C7: variants seen among roughly 807,000 people sequenced by gnomAD.
C7 encodes complement component C7.
Under a neutral mutation model 104.8 loss-of-function variants are expected in C7, and 83 were observed. The observed-to-expected ratio is 0.79, with a 90% CI of 0.66 to 0.95. The LOEUF (loss-of-function observed/expected upper bound fraction) is 0.95, where lower values mean the gene tolerates loss of function less well. C7 is among the 40% of genes least tolerant of loss of function. The pLI, the probability that C7 is intolerant of heterozygous loss-of-function variation, is 0.00. For missense variants in C7, 1,070 were observed against 1,011.2 expected (o/e 1.06, Z -0.79); for synonymous variants, 415 against 360.6 (o/e 1.15, Z -1.71).
At chr5:40,961,411 G>T (rs1349380181) in intron 12 of C7, among the ~76,000 whole-genome samples, 16 of 151,376 alleles carry the variant, frequency 1.1e-4, no homozygotes, top group Admixed American at 3.3e-4. Context: ...TTGAGATGGG[G>T]TCTCACTCTG....
At chr5:40,912,694 A>C (rs943749035) in intron 1 of C7, among the ~76,000 whole-genome samples, 5 of 152,236 alleles carry the variant, frequency 3.3e-5, no homozygotes, top group African/African-American at 1.2e-4. Context: ...AGAATGTTAG[A>C]AATAATTATT....
intron 2 of C7, among the ~76,000 whole-genome samples, chr5:40,929,537 G>C (rs1187759116): frequency 1.3e-5 from 2 of 152,132 alleles, no homozygotes; most frequent in Non-Finnish European, 2.9e-5. Context: ...AGAGTAACCT[G>C]ACCCTCTTAA....
intron 14 of C7, among the ~76,000 whole-genome samples, chr5:40,968,952 T>G (rs1466840980): frequency 6.6e-6 from 1 of 152,014 alleles, no homozygotes. Context: ...ACTTTTTTAC[T>G]GCATAGTGAA....
At chr5:40,933,595 T>A (rs1294710602) in intron 3 of C7, among the ~76,000 whole-genome samples, 1 of 152,214 alleles carries the variant, frequency 6.6e-6, no homozygotes, top group African/African-American at 2.4e-5. Flanking sequence ...TATTCCTTTG[T>A]AGATGTAGCT....
In C7 at chr5:40,909,584, T is replaced by C. The variant is rs751904932; in HGVS notation, c.-27T>C. The C allele has an allele frequency of 1.3e-6, 2 of 1,559,826 alleles. No individual in the cohort carries two copies. Among genetic ancestry groups the C allele is most frequent in the African/African-American group, 1.4e-5 (1 of 73,988 alleles). Reference sequence around the variant, plus strand: ...CCTTACAGAGGAAATCTTCCTCCTCTCTTCTGCCCTGAATGTTTTCCCAAA... The same window carrying C: ...CCTTACAGAGGAAATCTTCCTCCTCCCTTCTGCCCTGAATGTTTTCCCAAA... On this transcript the variant is annotated 5_prime_UTR_variant, in exon 1 of 18. Coordinates refer to ENST00000313164, the MANE Select transcript of C7 (RefSeq NM_000587.4).
At chr5:40,945,875 CATATATATATATATATATATATAT>C (rs58480949) in intron 7 of C7, among the ~76,000 whole-genome samples, 1 of 127,326 alleles carries the variant, frequency 7.9e-6, no homozygotes, top group Admixed American at 8.6e-5. Flanking sequence ...AAAAAAAATA[CATATATATATATATATATATATAT>C]ATATATATAT....
At chr5:40,922,476 C>A (rs1157795107) in intron 1 of C7, among the ~76,000 whole-genome samples, 1 of 145,740 alleles carries the variant, frequency 6.9e-6, no homozygotes, top group African/African-American at 2.6e-5. Context: ...CTGAGGTGGG[C>A]GGATCATGAA....
In C7 at chr5:40,979,896, G is replaced by A. The variant is rs761294249; in HGVS notation, c.2337G>A (p.Trp779Ter). The A allele has an allele frequency of 6.3e-7, 1 of 1,587,362 alleles. No individual in the cohort carries two copies. The change falls in exon 17 of 18, where the codon TGG becomes TGA. Residue 779 changes from tryptophan to a stop codon, truncating the protein, a stop_gained. Coordinates refer to ENST00000313164, the MANE Select transcript of C7 (RefSeq NM_000587.4). LOFTEE classifies it low-confidence loss of function (END_TRUNC). ...AEKACGACPL[W>*]GKCDAESSKC... ...AAGCTTGTGGTGCCTGCCCACTGTG[G>A]GGAAAATGTGATGGTAAGGGGCCTT...
At chr5:40,929,491 C>T (rs770821228) in intron 2 of C7, among the ~76,000 whole-genome samples, 1 of 152,064 alleles carries the variant, frequency 6.6e-6, no homozygotes, top group Non-Finnish European at 1.5e-5. Flanking sequence ...TAAAAGCAGC[C>T]AAGGCACACA....
intron 8 of C7, 115 bp downstream of exon 8, chr5:40,947,960 T>G: frequency 5.6e-6 from 6 of 1,074,484 alleles, no homozygotes; most frequent in Non-Finnish European, 8.3e-6. Flanking sequence ...AAATTTAAAT[T>G]GCAAAGGAAT....
intron 9 of C7, among the ~76,000 whole-genome samples, chr5:40,951,862 T>C (rs970123782): frequency 6.6e-6 from 1 of 152,350 alleles, no homozygotes; most frequent in East Asian, 1.9e-4. Flanking sequence ...ACCAGGTTTA[T>C]GTACTCATTC....
rs746945252 is a variant in C7, at chr5:40,937,666, A to G, written c.543A>G (p.Gly181=). 6.3e-7 allele frequency: 1 copy of G among 1,598,064 alleles called. No individual in the cohort carries two copies. The highest frequency in any genetic ancestry group is 1.1e-5 in the South Asian group (1 of 88,956). ...GDGKDFYRLS[G]NVLSYTFQVK... is the part of the protein sequence containing the mutation. ...GAAAAGATTTCTACAGGCTGAGTGG[A>G]AATGTCCTGTCCTATACATTCCAGG... Residue 181 remains glycine, a synonymous_variant, in exon 6 of 18, where the codon GGA becomes GGG. Coordinates refer to ENST00000313164, the MANE Select transcript of C7 (RefSeq NM_000587.4).
intron 7 of C7, among the ~76,000 whole-genome samples, chr5:40,946,618 A>G (rs536074901): frequency 6.6e-6 from 1 of 152,312 alleles, no homozygotes; most frequent in African/African-American, 2.4e-5. Context: ...ATACCCTAGC[A>G]TGGGAGATAA....
chr5:40,980,001 G>T, intron 17 of C7, 92 bp downstream of exon 17: 1 of 1,084,392 alleles, frequency 9.2e-7, no homozygotes, highest in Non-Finnish European at 1.3e-6. Flanking sequence ...GCAGTGGGCC[G>T]AAGAAGATAC....
intron 1 of C7, among the ~76,000 whole-genome samples, chr5:40,927,389 C>T (rs985139578): frequency 2.0e-5 from 3 of 152,006 alleles, no homozygotes; most frequent in African/African-American, 7.2e-5. Context: ...CAAACATAGA[C>T]AAATGGGATT....
chr5:40,945,044 C>G (rs972511416), intron 6 of C7, among the ~76,000 whole-genome samples, 154 bp from the exon 7 acceptor site: 1 of 152,134 alleles, frequency 6.6e-6, no homozygotes, highest in African/African-American at 2.4e-5. Context: ...GAACTCTTTC[C>G]TTATAATCAT....
intron 9 of C7, among the ~76,000 whole-genome samples, chr5:40,952,714 A>C (rs1198129087): frequency 3.3e-5 from 5 of 150,752 alleles, no homozygotes; most frequent in Admixed American, 1.3e-4. Context: ...CTCATTGTTC[A>C]GTTCCCACCT....
In C7 at chr5:40,949,282, T is replaced by G. The variant is rs972372508; in HGVS notation, c.983-622T>G. Among the ~76,000 whole-genome samples, 3 of 151,920 alleles carry G rather than the reference T, an allele frequency of 2.0e-5. No individual in the cohort carries two copies. In the East Asian group the frequency reaches 5.8e-4, roughly 29 times the overall value. ...GTTCTTTAAGAAACATTAAGGTTAT[T>G]GTAATATAGTTAGTAAATGAGAAAA... On this transcript the variant is annotated intron_variant, in intron 8 of 17. Transcript: ENST00000313164.
intron 10 of C7, among the ~76,000 whole-genome samples, chr5:40,957,768 GT>G (rs576860158): frequency 3.3e-4 from 34 of 104,452 alleles, no homozygotes; most frequent in African/African-American, 6.2e-4. Context: ...GTTTTTTTTT[GT>G]TTTTTTTTTT....
Sources: gnomAD v4.1 joint callset for allele counts (sites outside exome capture counted in the v4.1 genomes callset) on GRCh38, gnomAD v4.1.1 for gene constraint, MANE v1.5 for transcripts, NCBI Gene and HGNC (gene_info 2026-07-23, HGNC 2026-07-21) for gene names.